CA5B: variants seen among roughly 807,000 people sequenced by gnomAD.
CA5B encodes carbonic anhydrase 5B, also known as carbonic anhydrase 5B, mitochondrial.
CA5B carries 15 observed loss-of-function variants against 23.1 expected under a neutral mutation model. The observed-to-expected ratio is 0.65, with a 90% CI of 0.43 to 1.00. The LOEUF is 1.00. Among genes scored for constraint, CA5B ranks in the 50% least tolerant of loss-of-function variants. The pLI is 0.00. For missense variants in CA5B, 236 were observed against 252.2 expected (o/e 0.94, Z 0.43); for synonymous variants, 84 against 98.5 (o/e 0.85, Z 0.87).
intron 7 of CA5B, among the ~76,000 whole-genome samples, chrX:15,780,931 G>T (rs937815463): frequency 9.0e-6 from 1 of 111,508 alleles, no homozygotes; most frequent in Non-Finnish European, 1.9e-5. Context: ...TTGAATGAGG[G>T]GAAATGTGAA....
intron 1 of CA5B, among the ~76,000 whole-genome samples, chrX:15,738,608 G>C (rs1199600205): frequency 3.6e-5 from 4 of 111,182 alleles, no homozygotes; most frequent in African/African-American, 1.3e-4. Context: ...CATCCTTTAA[G>C]GTTCTTTGCA....
At chrX:15,743,538 A>C (rs1382320561) in intron 1 of CA5B, among the ~76,000 whole-genome samples, 1 of 112,109 alleles carries the variant, frequency 8.9e-6, no homozygotes, top group African/African-American at 3.2e-5. Flanking sequence ...AAAAGAATAA[A>C]AGAGTGATAG....
intron 3 of CA5B, among the ~76,000 whole-genome samples, chrX:15,766,074 T>C (rs1442210432): frequency 9.7e-6 from 1 of 103,068 alleles, no homozygotes; most frequent in Admixed American, 1.1e-4. Context: ...GGAGAATTAC[T>C]TGAACCTGGG....
chrX:15,778,382 C>T, intron 7 of CA5B, among the ~76,000 whole-genome samples: 1 of 111,645 alleles, frequency 9.0e-6, no homozygotes, highest in Non-Finnish European at 1.9e-5. Context: ...TATTTCTAAA[C>T]TCATGAATAA....
In CA5B at chrX:15,776,726, G is replaced by A; in HGVS notation, c.631G>A (p.Glu211Lys). 1.7e-6 allele frequency: 2 copies of A among 1,209,435 alleles called. No individual in the cohort carries two copies. The highest frequency in any genetic ancestry group is 3.5e-5 in the African/African-American group (2 of 57,738). ...PSIKHKDALV[E>K]FGSFDPSCLM... The stretch of plus-strand genomic sequence containing the variant: ...TTCTCTTGGCCAGGACGCCCTTGTG[G>A]AATTTGGGTCATTTGACCCTTCCTG... Residue 211 changes from glutamate to lysine, a missense_variant, in exon 7 of 8, where the codon GAA becomes AAA. Physicochemically the swap from Glu to Lys is moderately conservative, Grantham distance 56. This residue lies in a region of CA5B where 170 missense variants were observed against 162.0 expected (regional missense o/e 1.05). Transcript: ENST00000318636.
intron 7 of CA5B, among the ~76,000 whole-genome samples, chrX:15,779,412 T>C (rs760602777): frequency 1.8e-5 from 2 of 112,154 alleles, no homozygotes; most frequent in African/African-American, 6.5e-5. Context: ...TAGACATACA[T>C]AGACACAGTA....
intron 2 of CA5B, among the ~76,000 whole-genome samples, chrX:15,754,493 A>G (rs776010071): frequency 2.7e-4 from 30 of 112,643 alleles, no homozygotes; most frequent in Non-Finnish European, 4.9e-4. Context: ...TTGGCTGTCA[A>G]CTCAGATTGC....
At chrX:15,762,804 C>T in intron 2 of CA5B, 3 of 370,247 alleles carry the variant, frequency 8.1e-6, no homozygotes, top group Non-Finnish European at 1.6e-5. Context: ...CTTGATTCTA[C>T]CCATCCATGG....
intron 2 of CA5B, among the ~76,000 whole-genome samples, chrX:15,759,831 C>T (rs1376766892): frequency 9.9e-6 from 1 of 101,004 alleles, no homozygotes; most frequent in Non-Finnish European, 2.0e-5. Context: ...CAGCTCACTG[C>T]AGCCTCCACC....
intron 1 of CA5B, among the ~76,000 whole-genome samples, chrX:15,741,075 CT>C (rs1334182437): frequency 7.6e-5 from 8 of 104,962 alleles, no homozygotes; most frequent in Admixed American, 1.0e-4. Flanking sequence ...TTTTCTTTTT[CT>C]TTTTTTTTTG....
chrX:15,779,484 G>A (rs1931984059), intron 7 of CA5B, among the ~76,000 whole-genome samples: 1 of 111,918 alleles, frequency 8.9e-6, no homozygotes, highest in Non-Finnish European at 1.9e-5. Flanking sequence ...ACCATCACAG[G>A]AAGAAAATAA....
chrX:15,756,948 G>A (rs1375635403), intron 2 of CA5B, among the ~76,000 whole-genome samples: 3 of 107,855 alleles, frequency 2.8e-5, no homozygotes, highest in Admixed American at 9.9e-5. Context: ...CCAGCTACTC[G>A]GGAGGCTGAG....
chrX:15,753,897 C>T (rs765836736), intron 2 of CA5B, among the ~76,000 whole-genome samples: 2 of 112,244 alleles, frequency 1.8e-5, no homozygotes, highest in Admixed American at 9.4e-5. Context: ...GCGACAAGAG[C>T]GAAATTCTCT....
intron 3 of CA5B, chrX:15,768,719 GA>G (rs1460056899): frequency 4.5e-5 from 5 of 110,775 alleles, no homozygotes; most frequent in Non-Finnish European, 9.4e-5. Context: ...AGCATGCAAA[GA>G]GGAAAAAAAG....
rs1398850037 is a variant in CA5B at position 15,785,815 on chromosome X, A to T, written c.*3151A>T. The T allele has an allele frequency of 8.9e-6, 1 of 112,331 alleles. No homozygotes were observed. The highest frequency in any genetic ancestry group is 3.2e-5 in the African/African-American group (1 of 30,980). 9.3% of individuals were successfully genotyped at this position (112,331 alleles called of 1,213,427 possible). ...CTTTAAAAGGGTAAACACACAAGAT[A>T]TGCATTTTCCAAAGCATACAGGCTT... On this transcript the variant is annotated 3_prime_UTR_variant, in exon 8 of 8. Transcript: ENST00000318636.
chrX:15,765,800 G>A (rs1931695577), intron 3 of CA5B, among the ~76,000 whole-genome samples: 2 of 110,323 alleles, frequency 1.8e-5, no homozygotes, highest in South Asian at 7.6e-4. Context: ...GAGCTGAAGC[G>A]GAGAAATCTT....
In CA5B at chrX:15,756,210, A is replaced by G. The variant is rs570127269; in HGVS notation, c.142+6045A>G. On this transcript the variant is annotated intron_variant, in intron 2 of 7. Transcript: ENST00000318636. ...CAGATAGATACGATTAGGTGAACCT[A>G]AGAAGTGTTCAGGGTAAACCAGCTT... Among the ~76,000 whole-genome samples, 95 of 112,699 alleles carry G rather than the reference A, an allele frequency of 8.4e-4. No individual in the cohort carries two copies. In the South Asian group the frequency reaches 0.034, roughly 41 times the overall value.
intron 5 of CA5B, 58 bp from the exon 6 acceptor site, chrX:15,775,188 C>T (rs1210025302): frequency 2.3e-6 from 2 of 876,815 alleles, no homozygotes; most frequent in Non-Finnish European, 3.2e-6. Context: ...CATTCTGTTA[C>T]AGTTTCTACA....
intron 3 of CA5B, among the ~76,000 whole-genome samples, chrX:15,769,983 A>G (rs1931787621): frequency 8.9e-6 from 1 of 112,153 alleles, no homozygotes; most frequent in Non-Finnish European, 1.9e-5. Context: ...TAATTTTTTT[A>G]GAAGTTTAAT....
Sources: gnomAD v4.1 joint callset for allele counts (sites outside exome capture counted in the v4.1 genomes callset) on GRCh38, gnomAD v4.1.1 for gene constraint, gnomAD v4.1.1 regional missense constraint, MANE v1.5 for transcripts, NCBI Gene and HGNC (gene_info 2026-07-23, HGNC 2026-07-21) for gene names.